CADM2: variants seen among roughly 807,000 people sequenced by gnomAD.
CADM2 encodes the protein cell adhesion molecule 2.
A neutral mutation model predicts 49.8 loss-of-function variants in CADM2; 12 were observed. The ratio of observed to expected loss-of-function variants is 0.24; its 90% CI spans 0.15 to 0.39. The LOEUF is 0.39. Ranked by LOEUF, CADM2 falls within the 10% of genes least tolerant of loss-of-function variation. The probability of loss-of-function intolerance (pLI) is 1.00; values close to 1 mark genes in which losing one functional copy is unlikely to be tolerated. For missense variants in CADM2, 378 were observed against 492.3 expected (o/e 0.77, Z 2.20); for synonymous variants, 214 against 175.4 (o/e 1.22, Z -1.74).
intron 5 of CADM2, among the ~76,000 whole-genome samples, chr3:85,899,903 G>C (rs1559730384): frequency 6.6e-6 from 1 of 151,980 alleles, no homozygotes; most frequent in Non-Finnish European, 1.5e-5. Context: ...AGCGAATACT[G>C]GGGGGAGCAC....
At chr3:84,981,605 A>T (rs1441715109) in intron 1 of CADM2, among the ~76,000 whole-genome samples, 1 of 151,934 alleles carries the variant, frequency 6.6e-6, no homozygotes, top group Admixed American at 6.6e-5. Context: ...CTACTTGCCC[A>T]CTTTTCCTTC....
chr3:85,505,207 C>T (rs2040294413), intron 1 of CADM2, among the ~76,000 whole-genome samples: 1 of 152,260 alleles, frequency 6.6e-6, no homozygotes, highest in African/African-American at 2.4e-5. Flanking sequence ...CGAGGGAGGG[C>T]TCTGAGGACT....
chr3:85,558,839 A>T (rs937191307), intron 1 of CADM2, among the ~76,000 whole-genome samples: 4 of 152,098 alleles, frequency 2.6e-5, no homozygotes, highest in Non-Finnish European at 5.9e-5. Flanking sequence ...CACCAAAACA[A>T]TCATGGAGAG....
At chr3:86,049,831 A>G (rs377602025) in intron 8 of CADM2, among the ~76,000 whole-genome samples, 1 of 152,144 alleles carries the variant, frequency 6.6e-6, no homozygotes, top group Non-Finnish European at 1.5e-5. Flanking sequence ...AACTGCTCCC[A>G]TGATCTAATC....
intron 1 of CADM2, among the ~76,000 whole-genome samples, chr3:85,480,271 C>A (rs759704033): frequency 6.6e-6 from 1 of 151,628 alleles, no homozygotes; most frequent in Non-Finnish European, 1.5e-5. Context: ...TCCATAAGCT[C>A]CATAAGTTGT....
At chr3:85,672,085 T>A (rs746581744) in intron 1 of CADM2, among the ~76,000 whole-genome samples, 2 of 152,078 alleles carry the variant, frequency 1.3e-5, no homozygotes, top group Non-Finnish European at 2.9e-5. Flanking sequence ...GACATTAATG[T>A]AGGAAAATGT....
intron 1 of CADM2, among the ~76,000 whole-genome samples, chr3:85,597,369 A>G (rs1027234049): frequency 3.9e-5 from 6 of 152,170 alleles, no homozygotes; most frequent in South Asian, 4.1e-4. Context: ...GCTTGTCTAG[A>G]TAGATTCATA....
intron 1 of CADM2, among the ~76,000 whole-genome samples, chr3:85,595,982 C>A (rs1553747507): frequency 6.6e-6 from 1 of 151,690 alleles, no homozygotes; most frequent in Non-Finnish European, 1.5e-5. Flanking sequence ...AATCACCATA[C>A]CAAATATGTC....
chr3:85,076,048 C>T (rs2036927948), intron 1 of CADM2, among the ~76,000 whole-genome samples: 1 of 151,034 alleles, frequency 6.6e-6, no homozygotes, highest in Admixed American at 6.6e-5. Context: ...AGAAAATGTT[C>T]CAGATTCTGC....
chr3:86,005,210 T>TA (rs1481158387), intron 8 of CADM2, among the ~76,000 whole-genome samples: 2 of 152,294 alleles, frequency 1.3e-5, no homozygotes, highest in East Asian at 3.9e-4. Flanking sequence ...TTAAGTTCAG[T>TA]AAAAAATCAT....
At chr3:86,033,056 T>G (rs941788678) in intron 8 of CADM2, among the ~76,000 whole-genome samples, 4 of 151,834 alleles carry the variant, frequency 2.6e-5, no homozygotes, top group African/African-American at 7.3e-5. Flanking sequence ...TTTGGCTCCT[T>G]CTTTCCCCAC....
chr3:85,547,050 C>T (rs548021989), intron 1 of CADM2, among the ~76,000 whole-genome samples: 2 of 151,252 alleles, frequency 1.3e-5, no homozygotes, highest in African/African-American at 4.8e-5. Flanking sequence ...GGGATTCAAG[C>T]TGATAAACAA....
intron 2 of CADM2, among the ~76,000 whole-genome samples, chr3:85,755,820 A>G (rs1449755966): frequency 1.3e-5 from 2 of 152,140 alleles, no homozygotes; most frequent in African/African-American, 4.8e-5. Context: ...CCCTCCTCCA[A>G]CACCAGGGAT....
At chr3:85,934,459 T>A (rs963471972) in intron 6 of CADM2, among the ~76,000 whole-genome samples, 1 of 151,998 alleles carries the variant, frequency 6.6e-6, no homozygotes, top group Non-Finnish European at 1.5e-5. Context: ...TGAATGTGTA[T>A]CATATTTTTT....
chr3:85,642,495 T>A (rs1559961579), intron 1 of CADM2, among the ~76,000 whole-genome samples: 1 of 151,816 alleles, frequency 6.6e-6, no homozygotes, highest in African/African-American at 2.4e-5. Flanking sequence ...AAAAATAGTT[T>A]AAAAAAAAGC....
chr3:85,714,486 G>A (rs2067218941), intron 1 of CADM2, among the ~76,000 whole-genome samples: 1 of 152,074 alleles, frequency 6.6e-6, no homozygotes, highest in Non-Finnish European at 1.5e-5. Context: ...GAGTGCAGTG[G>A]TGGGATCTCG....
chr3:85,303,383 T>C (rs115518963), intron 1 of CADM2, among the ~76,000 whole-genome samples: 255 of 152,042 alleles, frequency 1.7e-3, no homozygotes, highest in African/African-American at 5.7e-3. Context: ...CAAAATTAGC[T>C]CTCACACCCA....
intron 3 of CADM2, among the ~76,000 whole-genome samples, chr3:85,803,096 C>T (rs971829201): frequency 3.3e-5 from 5 of 152,066 alleles, no homozygotes; most frequent in Non-Finnish European, 7.4e-5. Flanking sequence ...AATAAATGTG[C>T]TCAGTCCACC....
intron 8 of CADM2, among the ~76,000 whole-genome samples, chr3:86,054,051 A>C (rs1737638687): frequency 2.0e-5 from 3 of 152,044 alleles, no homozygotes; most frequent in African/African-American, 2.4e-5. Flanking sequence ...AGGACCAGTA[A>C]CAGCAAGATG....
Sources: gnomAD v4.1 joint callset for allele counts (sites outside exome capture counted in the v4.1 genomes callset) on GRCh38, gnomAD v4.1.1 for gene constraint, MANE v1.5 for transcripts, NCBI Gene and HGNC (gene_info 2026-07-23, HGNC 2026-07-21) for gene names.